LTBP1: variants seen among roughly 807,000 people sequenced by gnomAD.
LTBP1 encodes latent transforming growth factor beta binding protein 1, also known as latent-transforming growth factor beta-binding protein 1.
In LTBP1, 129 loss-of-function variants were observed where a neutral mutation model predicts 207.6. That is an observed-to-expected ratio of 0.62 (90% confidence interval 0.54 to 0.72). The LOEUF is 0.72. LTBP1 is among the 30% of genes least tolerant of loss of function. LTBP1 has a pLI of 0.00. For synonymous variants in LTBP1, 963 were observed against 833.7 expected (o/e 1.16, Z -2.67); for missense variants, 2,281 against 2,217.2 (o/e 1.03, Z -0.58).
rs565654437 is a variant in LTBP1 at position 33,144,705 on chromosome 2, G to A, written c.1201+9745G>A. ...TAGATATTTGTAATCACATTTATGC[G>A]ATGCAGTATATATACCTGCACCATT... On this transcript the variant is annotated intron_variant, in intron 5 of 33. Coordinates refer to ENST00000404816, the MANE Select transcript of LTBP1 (RefSeq NM_206943.4). Among the ~76,000 whole-genome samples, 10 of 152,240 alleles carry A rather than the reference G, an allele frequency of 6.6e-5. No individual in the cohort carries two copies. In the South Asian group the frequency reaches 8.3e-4, roughly 13 times the overall value.
intron 7 of LTBP1, among the ~76,000 whole-genome samples, chr2:33,200,495 A>G (rs1436896590): frequency 2.6e-5 from 4 of 152,228 alleles, no homozygotes; most frequent in Non-Finnish European, 5.9e-5. Flanking sequence ...TTAAAGACTT[A>G]AACGTTAGAC....
At chr2:33,323,538 G>A (rs2094385813) in intron 24 of LTBP1, among the ~76,000 whole-genome samples, 1 of 152,184 alleles carries the variant, frequency 6.6e-6, no homozygotes, top group Admixed American at 6.5e-5. Flanking sequence ...TTGCGAGGCT[G>A]AGGAAGGAGA....
chr2:33,078,553 G>A (rs1284078073), intron 3 of LTBP1, among the ~76,000 whole-genome samples: 3 of 152,146 alleles, frequency 2.0e-5, no homozygotes, highest in African/African-American at 7.2e-5. Context: ...AAAGTTTGGG[G>A]AACAGTAAAC....
Position 33,152,649 on chromosome 2 carries a change from T to C in LTBP1, c.1201+17689T>C, listed in dbSNP as rs191449890. Among the ~76,000 whole-genome samples, 171 of 152,270 alleles carry C rather than the reference T, an allele frequency of 1.1e-3. 2 individuals carry two copies. In the Middle Eastern group the frequency reaches 0.017, roughly 15 times the overall value. On this transcript the variant is annotated intron_variant, in intron 5 of 33. Coordinates refer to ENST00000404816, the MANE Select transcript of LTBP1 (RefSeq NM_206943.4). Reference sequence around the variant, plus strand: ...ATAAAGTAAGAGCCATACTAGTGGGTGTGAAGTGGTGTCTCATAGTTTTGA... The same window carrying C: ...ATAAAGTAAGAGCCATACTAGTGGGCGTGAAGTGGTGTCTCATAGTTTTGA...
intron 4 of LTBP1, among the ~76,000 whole-genome samples, chr2:33,126,661 T>G (rs77413995): frequency 0.01 from 1,550 of 152,340 alleles, 17 homozygotes; most frequent in East Asian, 0.014. Flanking sequence ...TCACATAATA[T>G]TGGAGCATAG....
chr2:33,284,797 C>G (rs1345894519), intron 19 of LTBP1, among the ~76,000 whole-genome samples: 1 of 152,202 alleles, frequency 6.6e-6, no homozygotes, highest in Non-Finnish European at 1.5e-5. Flanking sequence ...CATGACCTCT[C>G]TGAAGCTTAG....
chr2:32,957,549 G>A (rs1678286220), intron 2 of LTBP1, among the ~76,000 whole-genome samples: 1 of 152,090 alleles, frequency 6.6e-6, no homozygotes, highest in South Asian at 2.1e-4. Context: ...TATTGGGTAT[G>A]ATTTGTGGTG....
At chr2:32,978,233 C>G (rs1042563052) in intron 2 of LTBP1, among the ~76,000 whole-genome samples, 1 of 152,218 alleles carries the variant, frequency 6.6e-6, no homozygotes, top group African/African-American at 2.4e-5. Context: ...ATTGCTCTAG[C>G]TAGAACTCCC....
intron 3 of LTBP1, among the ~76,000 whole-genome samples, chr2:33,070,972 C>T (rs1324412843): frequency 6.6e-6 from 1 of 152,172 alleles, no homozygotes; most frequent in Non-Finnish European, 1.5e-5. Context: ...TGGTTCTCAC[C>T]CTTGCTAGAT....
intron 10 of LTBP1, among the ~76,000 whole-genome samples, chr2:33,252,380 T>G (rs74672058): frequency 0.015 from 2,216 of 152,280 alleles, 22 homozygotes; most frequent in East Asian, 0.025. Flanking sequence ...GAAAGGTGGG[T>G]TTTTGTTGAA....
intron 31 of LTBP1, among the ~76,000 whole-genome samples, chr2:33,378,791 A>G (rs1306783385): frequency 6.6e-6 from 1 of 152,222 alleles, no homozygotes; most frequent in Non-Finnish European, 1.5e-5. Context: ...TCTGTTAAAC[A>G]GTGACCTCAT....
At chr2:33,260,509 C>T (rs1038857149) in intron 13 of LTBP1, among the ~76,000 whole-genome samples, 13 of 152,110 alleles carry the variant, frequency 8.5e-5, no homozygotes, top group African/African-American at 3.1e-4. Flanking sequence ...GCAATACATA[C>T]ATGAGTTATT....
chr2:33,089,155 C>CAAAAAAAAAAAAA (rs61009791), intron 3 of LTBP1, among the ~76,000 whole-genome samples: 8 of 96,360 alleles, frequency 8.3e-5, no homozygotes, highest in South Asian at 3.6e-4. Context: ...GACTCAGTCT[C>CAAAAAAAAAAAAA]AAAAAAAAAA....
At chr2:33,250,818 T>TGGGTC (rs2092661906) in intron 10 of LTBP1, among the ~76,000 whole-genome samples, 1 of 152,074 alleles carries the variant, frequency 6.6e-6, no homozygotes, top group East Asian at 1.9e-4. Context: ...CCACCCAACG[T>TGGGTC]ACCACTACCA....
chr2:33,091,704 C>A (rs867791922), intron 3 of LTBP1, among the ~76,000 whole-genome samples: 4 of 152,284 alleles, frequency 2.6e-5, no homozygotes, highest in Middle Eastern at 6.8e-3. Flanking sequence ...GGTGCCGAAT[C>A]CTCTGACTAA....
chr2:33,370,860 G>A (rs538286913), intron 31 of LTBP1, among the ~76,000 whole-genome samples: 1 of 152,168 alleles, frequency 6.6e-6, no homozygotes, highest in Non-Finnish European at 1.5e-5. Flanking sequence ...CGCACCACTT[G>A]TCATCAGCTT....
intron 2 of LTBP1, among the ~76,000 whole-genome samples, chr2:33,017,763 C>A (rs1366096580): frequency 6.6e-6 from 1 of 152,158 alleles, no homozygotes; most frequent in African/African-American, 2.4e-5. Flanking sequence ...ACTAAAGGCA[C>A]CCACCAGTAC....
At chr2:33,117,453 C>T (rs1227135443) in intron 4 of LTBP1, among the ~76,000 whole-genome samples, 1 of 152,122 alleles carries the variant, frequency 6.6e-6, no homozygotes, top group Middle Eastern at 3.2e-3. Context: ...AGTCTGATAC[C>T]ACAAAGAGGT....
chr2:33,053,738 T>G (rs947278502), intron 3 of LTBP1, among the ~76,000 whole-genome samples: 1 of 152,170 alleles, frequency 6.6e-6, no homozygotes, highest in Non-Finnish European at 1.5e-5. Flanking sequence ...TGGCTAAGAT[T>G]AGGCCTAGAT....
Sources: allele counts gnomAD v4.1 joint callset (sites outside exome capture counted in the v4.1 genomes callset), GRCh38; gene constraint gnomAD v4.1.1; transcripts MANE v1.5; gene names NCBI Gene and HGNC (gene_info 2026-07-23, HGNC 2026-07-21).